Variants in INSC observed in about 807,000 individuals in gnomAD.
The protein encoded by INSC is INSC spindle orientation adaptor protein.
In INSC, 67 loss-of-function variants were observed where a neutral mutation model predicts 58.6. The ratio of observed to expected loss-of-function variants is 1.14; its 90% CI spans 0.94 to 1.40. The LOEUF is 1.40. Among genes scored for constraint, INSC ranks in the 40% most tolerant of loss-of-function variants. INSC has a pLI of 0.00. For missense variants in INSC, 714 were observed against 692.0 expected, an observed-to-expected ratio of 1.03 and a Z score of -0.36; for synonymous variants, 262 against 276.1, an observed-to-expected ratio of 0.95 and a Z score of 0.51.
chr11:15,149,763 A>G (rs1848591667), intron 2 of INSC, among the ~76,000 whole-genome samples: 2 of 152,198 alleles, frequency 1.3e-5, no homozygotes, highest in Non-Finnish European at 2.9e-5. Context: ...GGGCCACCAG[A>G]GGTGCCTCCA....
At chr11:15,174,286 G>A (rs994937142) in intron 2 of INSC, among the ~76,000 whole-genome samples, 5 of 152,098 alleles carry the variant, frequency 3.3e-5, no homozygotes, top group Admixed American at 3.3e-4. Flanking sequence ...TTCTCAATGA[G>A]TCTCCTCTGA....
downstream of INSC, among the ~76,000 whole-genome samples, chr11:15,247,696 T>C (rs1214394639): frequency 6.8e-6 from 1 of 147,868 alleles, no homozygotes; most frequent in Non-Finnish European, 1.5e-5. Flanking sequence ...CAAGGTCTTC[T>C]GAGTCCTTAT....
chr11:15,227,772 A>G (rs1251341916), intron 9 of INSC, among the ~76,000 whole-genome samples: 2 of 152,156 alleles, frequency 1.3e-5, no homozygotes, highest in African/African-American at 2.4e-5. Flanking sequence ...CGCCTTACTC[A>G]TGCTCATGTT....
At chr11:15,230,585 A>G (rs1280075234) in intron 9 of INSC, among the ~76,000 whole-genome samples, 1 of 152,222 alleles carries the variant, frequency 6.6e-6, no homozygotes, top group East Asian at 1.9e-4. Context: ...CAGATCCAAA[A>G]CATATCAGGG....
At chr11:15,250,420 C>T (rs1266057042), downstream of INSC, among the ~76,000 whole-genome samples, 3 of 152,290 alleles carry the variant, frequency 2.0e-5, no homozygotes, top group East Asian at 5.8e-4. Flanking sequence ...AAGTTGTTGT[C>T]ATCATCATAA....
chr11:15,123,981 G>T (rs943176896), intron 1 of INSC, among the ~76,000 whole-genome samples: 1 of 152,146 alleles, frequency 6.6e-6, no homozygotes, highest in Non-Finnish European at 1.5e-5. Flanking sequence ...TCCTTTCAAA[G>T]ATGTCATCAG....
intron 7 of INSC, among the ~76,000 whole-genome samples, chr11:15,216,490 C>T (rs770374129): frequency 2.0e-5 from 3 of 152,142 alleles, no homozygotes; most frequent in Non-Finnish European, 4.4e-5. Flanking sequence ...ATCTCTGTGT[C>T]ACTGCCCAGG....
intron 1 of INSC, among the ~76,000 whole-genome samples, chr11:15,138,950 A>G (rs920031563): frequency 2.0e-5 from 3 of 152,186 alleles, no homozygotes; most frequent in African/African-American, 7.2e-5. Flanking sequence ...GCAAACTCCA[A>G]TTTAGAGGAT....
At chr11:15,111,789 T>A (rs1847581029), upstream of INSC, among the ~76,000 whole-genome samples, 1 of 152,178 alleles carries the variant, frequency 6.6e-6, no homozygotes, top group Admixed American at 6.5e-5. Flanking sequence ...AAATGAAACA[T>A]GCACATAAGC....
At chr11:15,200,121 G>C (rs755607464) in intron 6 of INSC, among the ~76,000 whole-genome samples, 1 of 151,070 alleles carries the variant, frequency 6.6e-6, no homozygotes, top group African/African-American at 2.4e-5. Flanking sequence ...CCACACTCAA[G>C]AGCTGCGATG....
chr11:15,197,731 T>C (rs768097989), intron 6 of INSC, among the ~76,000 whole-genome samples: 1 of 152,188 alleles, frequency 6.6e-6, no homozygotes, highest in Non-Finnish European at 1.5e-5. Flanking sequence ...TCCCTTCCCC[T>C]GTGCAAGGCA....
chr11:15,146,371 T>G (rs1343980243), intron 1 of INSC, among the ~76,000 whole-genome samples: 1 of 152,188 alleles, frequency 6.6e-6, no homozygotes, highest in Non-Finnish European at 1.5e-5. Flanking sequence ...AGGAATCTTA[T>G]CCTTTTGGGG....
the INSC span, among the ~76,000 whole-genome samples, chr11:15,259,030 A>C: frequency 6.6e-6 from 1 of 152,136 alleles, no homozygotes; most frequent in African/African-American, 2.4e-5. Flanking sequence ...AGGAAAGAAA[A>C]TCTTGTCAGC....
intron 1 of INSC, among the ~76,000 whole-genome samples, chr11:15,122,206 G>T (rs533727484): frequency 9.8e-5 from 15 of 152,330 alleles, no homozygotes; most frequent in African/African-American, 3.1e-4. Flanking sequence ...CAAAGACTGT[G>T]ATAGAGAGTA....
At chr11:15,239,167 G>C in intron 11 of INSC, 93 bp downstream of exon 11, 10 of 1,446,906 alleles carry the variant, frequency 6.9e-6, no homozygotes, top group Non-Finnish European at 9.3e-6. Flanking sequence ...TGGACACAGG[G>C]CAAGAGCTGG....
chr11:15,236,594 T>C (rs766777081), intron 10 of INSC, among the ~76,000 whole-genome samples: 32 of 152,204 alleles, frequency 2.1e-4, no homozygotes, highest in Admixed American at 9.8e-4. Context: ...CCAGGTTTCA[T>C]TGGCCTGGAA....
intron 12 of INSC, among the ~76,000 whole-genome samples, chr11:15,242,679 T>G (rs942749517): frequency 2.6e-5 from 4 of 152,186 alleles, no homozygotes; most frequent in Non-Finnish European, 5.9e-5. Flanking sequence ...TAAATCTGTG[T>G]ATTAAAATTC....
intron 7 of INSC, among the ~76,000 whole-genome samples, chr11:15,207,697 G>A (rs777625597): frequency 6.6e-6 from 1 of 152,206 alleles, no homozygotes; most frequent in Non-Finnish European, 1.5e-5. Context: ...ACAGGGGTCT[G>A]TCTCCACTGT....
upstream of INSC, among the ~76,000 whole-genome samples, chr11:15,113,212 G>C (rs770047000): frequency 8.8e-5 from 13 of 147,988 alleles, no homozygotes; most frequent in Admixed American, 3.4e-4. Flanking sequence ...ATGTGCAGTG[G>C]CACAATCTTG....
Sources: allele counts gnomAD v4.1 joint callset (sites outside exome capture counted in the v4.1 genomes callset), GRCh38; gene constraint gnomAD v4.1.1; transcripts MANE v1.5; gene names NCBI Gene and HGNC (gene_info 2026-07-23, HGNC 2026-07-21).